ANKAR: variants seen among roughly 807,000 people sequenced by gnomAD.
The protein encoded by ANKAR is ankyrin and armadillo repeat-containing protein.
Under a neutral mutation model 146.2 loss-of-function variants are expected in ANKAR, and 136 were observed. The ratio of observed to expected loss-of-function variants is 0.93; its 90% CI spans 0.81 to 1.07. The LOEUF is 1.07. Among genes scored for constraint, ANKAR ranks in the 50% least tolerant of loss-of-function variants. ANKAR has a pLI of 0.00. For missense variants in ANKAR, 1,567 were observed against 1,679.9 expected (o/e 0.93, Z 1.18); for synonymous variants, 500 against 575.8 (o/e 0.87, Z 1.88).
At chr2:189,697,296 G>A (rs1388955736) in intron 7 of ANKAR, among the ~76,000 whole-genome samples, 1 of 151,758 alleles carries the variant, frequency 6.6e-6, no homozygotes, top group Non-Finnish European at 1.5e-5. Flanking sequence ...TACTCTGAGA[G>A]GCTGAAGCAG....
At chr2:189,738,281 C>T (rs2043023058) in intron 18 of ANKAR, among the ~76,000 whole-genome samples, 1 of 151,998 alleles carries the variant, frequency 6.6e-6, no homozygotes, top group African/African-American at 2.4e-5. Flanking sequence ...CTATCCTGTG[C>T]CCTTTAAGAG....
At chr2:189,707,906 T>C (rs967320109) in intron 9 of ANKAR, among the ~76,000 whole-genome samples, 1 of 152,156 alleles carries the variant, frequency 6.6e-6, no homozygotes, top group Non-Finnish European at 1.5e-5. Flanking sequence ...TGAGAACCCC[T>C]TGGACTCATA....
chr2:189,699,719 G>A (rs116559262), intron 7 of ANKAR, among the ~76,000 whole-genome samples: 2,377 of 152,276 alleles, frequency 0.016, 61 homozygotes, highest in African/African-American at 0.054. Flanking sequence ...GAGTGCAGTG[G>A]TGAGATTTTG....
At chr2:189,678,089 C>G (rs2034033983) in intron 2 of ANKAR, among the ~76,000 whole-genome samples, 1 of 152,138 alleles carries the variant, frequency 6.6e-6, no homozygotes, top group Admixed American at 6.5e-5. Flanking sequence ...TTCACCACAT[C>G]CATGCCGACA....
intron 2 of ANKAR, among the ~76,000 whole-genome samples, chr2:189,678,310 G>T (rs2034084316): frequency 6.6e-6 from 1 of 151,954 alleles, no homozygotes; most frequent in Admixed American, 6.6e-5. Context: ...TTGCTAATTT[G>T]TTTGAGTTCC....
intron 2 of ANKAR, among the ~76,000 whole-genome samples, chr2:189,685,239 T>C (rs189710854): frequency 1.3e-5 from 2 of 152,188 alleles, no homozygotes; most frequent in Admixed American, 1.3e-4. Context: ...TTAATAACTT[T>C]CTTTTTCTTT....
chr2:189,704,777 T>TA (rs573489282), intron 7 of ANKAR, among the ~76,000 whole-genome samples: 1 of 151,202 alleles, frequency 6.6e-6, no homozygotes. Flanking sequence ...TCTTTGCTTA[T>TA]AAAAAAATAT....
At chr2:189,754,781 G>A (rs1469225450) in intron 18 of ANKAR, 1 of 244,976 alleles carries the variant, frequency 4.1e-6, no homozygotes, top group East Asian at 1.2e-4. Flanking sequence ...TGTCTGTGGT[G>A]TAAGTAATTG....
At chr2:189,756,343 T>C (rs2046082250) in intron 18 of ANKAR, among the ~76,000 whole-genome samples, 1 of 152,130 alleles carries the variant, frequency 6.6e-6, no homozygotes, top group African/African-American at 2.4e-5. Context: ...TTTGCTACCA[T>C]GTGATTGATT....
chr2:189,695,662 G>A (rs1279565572), intron 6 of ANKAR, among the ~76,000 whole-genome samples: 1 of 152,168 alleles, frequency 6.6e-6, no homozygotes, highest in Non-Finnish European at 1.5e-5. Context: ...AAGCTCACCA[G>A]CTTCAAAGGT....
chr2:189,679,683 A>G (rs1328428156), intron 2 of ANKAR, among the ~76,000 whole-genome samples: 1 of 152,080 alleles, frequency 6.6e-6, no homozygotes, highest in Non-Finnish European at 1.5e-5. Flanking sequence ...GCAATGCTGG[A>G]TTTTGTCAAA....
intron 12 of ANKAR, among the ~76,000 whole-genome samples, chr2:189,722,822 C>T (rs1415303665): frequency 6.7e-6 from 1 of 150,300 alleles, no homozygotes; most frequent in African/African-American, 2.5e-5. Flanking sequence ...GCAGAGGTTG[C>T]AGTGAGCCGA....
intron 18 of ANKAR, among the ~76,000 whole-genome samples, chr2:189,759,965 C>T (rs556283155): frequency 6.6e-6 from 1 of 152,066 alleles, no homozygotes; most frequent in Non-Finnish European, 1.5e-5. Flanking sequence ...TGACTCTTAA[C>T]GAGTATGCTG....
At chr2:189,749,612 G>T (rs767212539), downstream of ANKAR, among the ~76,000 whole-genome samples, 12 of 151,980 alleles carry the variant, frequency 7.9e-5, no homozygotes, top group Non-Finnish European at 1.8e-4. Flanking sequence ...TCAAATAACT[G>T]ATGTGAAAGT....
intron 6 of ANKAR, 50 bp from the exon 7 acceptor site, chr2:189,696,100 C>A (rs1294519152): frequency 3.2e-6 from 5 of 1,565,682 alleles, no homozygotes; most frequent in South Asian, 2.3e-5. Flanking sequence ...TTCCTTAAAC[C>A]AAACTTTAGG....
chr2:189,760,458 A>G (rs2046869815), intron 18 of ANKAR, among the ~76,000 whole-genome samples: 1 of 152,208 alleles, frequency 6.6e-6, no homozygotes, highest in Non-Finnish European at 1.5e-5. Context: ...AATATATTCT[A>G]AATTAGCTAC....
rs543721995 is a variant in ANKAR, at chr2:189,753,713, T to C, written c.*585-7385T>C. On this transcript the variant is annotated intron_variant and NMD_transcript_variant, in intron 18 of 18. Coordinates refer to the ANKAR transcript ENST00000441800. ...GATGCAAAATTAGACTTATGTGCCA[T>C]AGAAGCTATACAGCTGTCCCATAAA... Among the ~76,000 whole-genome samples the C allele has an allele frequency of 3.9e-5, 6 of 152,340 alleles. No homozygotes were observed. In the South Asian group the frequency reaches 1.2e-3, roughly 32 times the overall value.
chr2:189,718,968 C>T (rs1322082421), intron 10 of ANKAR, among the ~76,000 whole-genome samples: 1 of 151,692 alleles, frequency 6.6e-6, no homozygotes, highest in Non-Finnish European at 1.5e-5. Flanking sequence ...CCAGGATGGT[C>T]TCGATCTCCT....
chr2:189,745,027 C>CTACTACTAATAATAA (rs376824673), intron 22 of ANKAR, among the ~76,000 whole-genome samples: 15 of 131,108 alleles, frequency 1.1e-4, no homozygotes, highest in African/African-American at 3.1e-4. Context: ...ACTACTACTA[C>CTACTACTAATAATAA]TAATAATACA....
Sources: allele counts gnomAD v4.1 joint callset (sites outside exome capture counted in the v4.1 genomes callset), GRCh38; gene constraint gnomAD v4.1.1; transcripts MANE v1.5; gene names NCBI Gene and HGNC (gene_info 2026-07-23, HGNC 2026-07-21).